The following ADGB variants were observed in gnomAD, a reference collection of about 807,000 sequenced individuals.
ADGB encodes the protein androglobin, also known as calpain-7-like protein.
A neutral mutation model predicts 210.5 loss-of-function variants in ADGB; 172 were observed. That is an observed-to-expected ratio of 0.82 (90% confidence interval 0.72 to 0.93). ADGB has a LOEUF of 0.93. Among genes scored for constraint, ADGB ranks in the 40% least tolerant of loss-of-function variants. The probability of loss-of-function intolerance (pLI) is 0.00; values close to 1 mark genes in which losing one functional copy is unlikely to be tolerated. For missense variants in ADGB, 2,025 were observed against 1,964.8 expected (o/e 1.03, Z -0.58); for synonymous variants, 658 against 662.7 (o/e 0.99, Z 0.11).
chr6:146,696,383 C>T (rs898710700), intron 12 of ADGB, among the ~76,000 whole-genome samples: 2 of 149,778 alleles, frequency 1.3e-5, no homozygotes, highest in East Asian at 3.9e-4. Flanking sequence ...GCCAGAAATA[C>T]TTATTTTAAG....
intron 1 of ADGB, among the ~76,000 whole-genome samples, chr6:146,612,098 T>G (rs754355378): frequency 2.0e-5 from 3 of 152,148 alleles, no homozygotes; most frequent in Non-Finnish European, 4.4e-5. Context: ...CATAAGGCAC[T>G]GCAGCCCAAT....
intron 13 of ADGB, among the ~76,000 whole-genome samples, chr6:146,709,733 C>T (rs910979635): frequency 2.0e-5 from 3 of 152,160 alleles, no homozygotes; most frequent in African/African-American, 7.2e-5. Context: ...AGGACCAAGG[C>T]AAACTCCAGT....
chr6:146,751,756 G>T (rs977914281), intron 26 of ADGB, among the ~76,000 whole-genome samples: 2 of 151,964 alleles, frequency 1.3e-5, no homozygotes, highest in East Asian at 3.9e-4. Context: ...TTATGTGTTT[G>T]TTGGCCACAT....
Position 146,815,346 on chromosome 6 carries a change from T to C in ADGB, c.*129T>C. On this transcript the variant is annotated 3_prime_UTR_variant, in exon 36 of 36. Coordinates refer to ENST00000397944, the MANE Select transcript of ADGB (RefSeq NM_024694.4). The stretch of plus-strand genomic sequence containing the variant: ...TTTCTCTTTCTTAGAAATATTTTAA[T>C]GCTAACTTGTTAGTTTTCCTCAGAA... 3 of 696,452 alleles carry C rather than the reference T, an allele frequency of 4.3e-6. No homozygotes were observed. Among genetic ancestry groups the C allele is most frequent in the Non-Finnish European group, 6.3e-6 (3 of 474,710 alleles). The allele number at this position is 696,452 out of a possible 1,614,324, so 43.1% of individuals were successfully genotyped here. A position where few individuals can be genotyped will look rare whatever the true frequency, so the allele number is the denominator to read the frequency against.
intron 2 of ADGB, among the ~76,000 whole-genome samples, chr6:146,642,174 A>T (rs1020332202): frequency 6.6e-6 from 1 of 150,532 alleles, no homozygotes; most frequent in African/African-American, 2.4e-5. Context: ...AATATTACTT[A>T]TTATTAGAAA....
chr6:146,728,398 G>A (rs546110713), intron 19 of ADGB, among the ~76,000 whole-genome samples, 176 bp from the exon 20 acceptor site: 5 of 152,124 alleles, frequency 3.3e-5, no homozygotes, highest in African/African-American at 9.7e-5. Flanking sequence ...TAAGAATTGC[G>A]TTCCTTGTTT....
chr6:146,751,761 C>T (rs1777325927), intron 26 of ADGB, among the ~76,000 whole-genome samples: 1 of 152,016 alleles, frequency 6.6e-6, no homozygotes, highest in Non-Finnish European at 1.5e-5. Context: ...TGTTTGTTGG[C>T]CACATGTATG....
chr6:146,741,164 T>C lies in ADGB; in HGVS notation c.3070T>C (p.Tyr1024His), dbSNP rs1562289241. ...HQDMILVPKV[Y>H]TTLPICILHI... The stretch of plus-strand genomic sequence containing the variant: ...AGACATGATTTTGGTTCCCAAAGTA[T>C]ATACTACACTTCCAATCTGTATCCT... The change falls in exon 25 of 36, where the codon TAT (tyrosine) becomes CAT (histidine). Residue 1024 changes from tyrosine (Y) to histidine (H), a missense_variant. By Grantham distance (83) the Tyr-to-His change is moderately conservative. Transcript: ENST00000397944. 3 of 1,548,728 alleles carry C rather than the reference T, an allele frequency of 1.9e-6. No individual in the cohort carries two copies. The highest frequency in any genetic ancestry group is 4.0e-5 in the Admixed American group (2 of 50,556).
intron 29 of ADGB, among the ~76,000 whole-genome samples, chr6:146,770,193 G>A (rs1018398018): frequency 1.1e-4 from 16 of 152,064 alleles, no homozygotes; most frequent in African/African-American, 1.4e-4. Flanking sequence ...TTTATTAATT[G>A]CCAACAACTC....
At chr6:146,722,140 T>C (rs952140530) in intron 17 of ADGB, among the ~76,000 whole-genome samples, 25 of 152,206 alleles carry the variant, frequency 1.6e-4, no homozygotes, top group African/African-American at 4.8e-4. Context: ...TTCTTTGATT[T>C]GACATTCCAA....
chr6:146,769,173 A>G, intron 29 of ADGB, 42 bp downstream of exon 29: 2 of 924,596 alleles, frequency 2.2e-6, no homozygotes, highest in Non-Finnish European at 3.3e-6. Flanking sequence ...TTACATTTGA[A>G]TAAGTTGATA....
At chr6:146,653,548 T>C (rs1449765574) in intron 3 of ADGB, among the ~76,000 whole-genome samples, 1 of 152,050 alleles carries the variant, frequency 6.6e-6, no homozygotes, top group Non-Finnish European at 1.5e-5. Context: ...TGAGAATACA[T>C]CGACACATAG....
chr6:146,689,000 T>G (rs1456060754), intron 10 of ADGB, among the ~76,000 whole-genome samples: 1 of 152,170 alleles, frequency 6.6e-6, no homozygotes, highest in African/African-American at 2.4e-5. Flanking sequence ...AATTACATTA[T>G]CCAACTTCTT....
At chr6:146,672,006 G>A (rs1178280469) in intron 7 of ADGB, among the ~76,000 whole-genome samples, 1 of 152,068 alleles carries the variant, frequency 6.6e-6, no homozygotes, top group Non-Finnish European at 1.5e-5. Flanking sequence ...GGTTTTGGTC[G>A]CTTTGTATCA....
chr6:146,615,666 C>T (rs564882784), intron 1 of ADGB, among the ~76,000 whole-genome samples: 2 of 152,260 alleles, frequency 1.3e-5, no homozygotes, highest in African/African-American at 4.8e-5. Context: ...TTAGCTCCCA[C>T]CTATAAGTGA....
At chr6:146,621,045 C>A (rs1780884149) in intron 1 of ADGB, among the ~76,000 whole-genome samples, 1 of 152,172 alleles carries the variant, frequency 6.6e-6, no homozygotes, top group Non-Finnish European at 1.5e-5. Context: ...CTATAACTAA[C>A]ATGTTGCCCT....
chr6:146,760,844 T>C (rs751122166), intron 27 of ADGB, among the ~76,000 whole-genome samples: 1 of 151,976 alleles, frequency 6.6e-6, no homozygotes, highest in Non-Finnish European at 1.5e-5. Context: ...ATTTCCCTTA[T>C]GACTAATGAT....
At position 146,734,068 on chromosome 6, in the gene ADGB, G is replaced by T. The variant is rs1260716399; in HGVS notation, c.2794+38G>T. 7 of 1,535,904 alleles carry T rather than the reference G, an allele frequency of 4.6e-6. No individual in the cohort carries two copies. The Admixed American group carries it at 1.5e-4, about 32-fold the overall frequency. On this transcript the variant is annotated intron_variant, in intron 22 of 35. Coordinates refer to ENST00000397944, the MANE Select transcript of ADGB (RefSeq NM_024694.4). ...AAACATTTATAAAATGAACTTGTTTGTATAAGAATAAATATTTATGTGTGT... is the reference window on the plus strand; with the variant it reads ...AAACATTTATAAAATGAACTTGTTTTTATAAGAATAAATATTTATGTGTGT...
chr6:146,621,273 G>C (rs781539868), intron 1 of ADGB, among the ~76,000 whole-genome samples: 8 of 152,078 alleles, frequency 5.3e-5, no homozygotes, highest in Non-Finnish European at 8.8e-5. Context: ...GCACATAAAA[G>C]AGACTGGCCA....
Sources: gnomAD v4.1 joint callset for allele counts (sites outside exome capture counted in the v4.1 genomes callset) on GRCh38, gnomAD v4.1.1 for gene constraint, MANE v1.5 for transcripts, NCBI Gene and HGNC (gene_info 2026-07-23, HGNC 2026-07-21) for gene names.